The following XXYLT1 variants were observed in gnomAD, a reference collection of about 807,000 sequenced individuals.
XXYLT1 encodes the protein xyloside xylosyltransferase 1.
A neutral mutation model predicts 28.9 loss-of-function variants in XXYLT1; 20 were observed. The ratio of observed to expected loss-of-function variants is 0.69; its 90% CI spans 0.49 to 1.00. The LOEUF is 1.00. Among genes scored for constraint, XXYLT1 ranks in the 50% least tolerant of loss-of-function variants. The pLI is 0.00. For missense variants in XXYLT1, 542 were observed against 560.1 expected (o/e 0.97, Z 0.33); for synonymous variants, 257 against 253.8 (o/e 1.01, Z -0.12).
At position 195,133,498 on chromosome 3, in the gene XXYLT1, T is replaced by C. The variant is rs1719005859; in HGVS notation, c.785+22951A>G. ...AATGTGTCCCATAAGTGACAGCATC[T>C]ATTGAACTCTAAAAATGAATGTGTC... On this transcript the variant is annotated intron_variant, in intron 3 of 3. Transcript: ENST00000310380. The surrounding 1 kb of genome is among the most constrained non-coding windows in gnomAD (Gnocchi z 4.4). Among the ~76,000 whole-genome samples the C allele has an allele frequency of 6.6e-6, 1 of 152,188 alleles. No homozygotes were observed. The highest frequency in any genetic ancestry group is 6.5e-5 in the Admixed American group (1 of 15,284).
intron 1 of XXYLT1, among the ~76,000 whole-genome samples, chr3:195,229,416 G>A (rs1288953072): frequency 1.3e-5 from 2 of 152,038 alleles, no homozygotes; most frequent in Admixed American, 6.5e-5. Context: ...TTAGTTATTT[G>A]AAAATGTGTA....
intron 3 of XXYLT1, among the ~76,000 whole-genome samples, chr3:195,125,377 G>A (rs1057460326): frequency 6.6e-6 from 1 of 152,260 alleles, no homozygotes; most frequent in African/African-American, 2.4e-5. Flanking sequence ...CGGGGCTGGA[G>A]AATTGGGAGA....
intron 3 of XXYLT1, among the ~76,000 whole-genome samples, chr3:195,099,334 C>T (rs1194997924): frequency 6.6e-6 from 1 of 152,208 alleles, no homozygotes; most frequent in East Asian, 1.9e-4. Flanking sequence ...CATCACCACC[C>T]AGGCATCATG....
At chr3:195,090,812 C>T (rs1560089301) in intron 3 of XXYLT1, among the ~76,000 whole-genome samples, 1 of 150,720 alleles carries the variant, frequency 6.6e-6, no homozygotes, top group Non-Finnish European at 1.5e-5. Context: ...AGAGAAGAAT[C>T]AAATAGACGC....
At chr3:195,185,394 C>T (rs192049462) in intron 2 of XXYLT1, among the ~76,000 whole-genome samples, 105 of 151,932 alleles carry the variant, frequency 6.9e-4, no homozygotes, top group Non-Finnish European at 1.0e-3. Flanking sequence ...ACTGAAAGGA[C>T]ATTCTCCAGA....
intron 1 of XXYLT1, among the ~76,000 whole-genome samples, chr3:195,228,506 T>A: frequency 6.7e-6 from 1 of 148,788 alleles, no homozygotes. Flanking sequence ...TTTTTTTTTT[T>A]TTGAGATGGA....
chr3:195,156,305 G>A (rs1720585073), intron 3 of XXYLT1, 144 bp downstream of exon 3: 3 of 1,373,930 alleles, frequency 2.2e-6, no homozygotes, highest in Non-Finnish European at 2.9e-6. Flanking sequence ...TCAACTGTAA[G>A]CAATAAGTAC....
At chr3:195,162,374 G>A (rs537220079) in intron 2 of XXYLT1, among the ~76,000 whole-genome samples, 12 of 152,270 alleles carry the variant, frequency 7.9e-5, no homozygotes, top group East Asian at 3.9e-4. Flanking sequence ...GCCCCTCCTC[G>A]GATGGTCGGG....
chr3:195,206,021 A>ATTTTT (rs777561871), intron 2 of XXYLT1, among the ~76,000 whole-genome samples: 2 of 125,424 alleles, frequency 1.6e-5, no homozygotes, highest in Non-Finnish European at 3.3e-5. Flanking sequence ...TTAAAGTTTA[A>ATTTTT]TTTTTTTTTT....
At chr3:195,143,578 C>T (rs183697212) in intron 3 of XXYLT1, among the ~76,000 whole-genome samples, 1 of 151,980 alleles carries the variant, frequency 6.6e-6, no homozygotes, top group African/African-American at 2.4e-5. Context: ...TTTCAATCAA[C>T]TGCTTTCCTT....
At chr3:195,134,868 T>C (rs73890690) in intron 3 of XXYLT1, among the ~76,000 whole-genome samples, 13,841 of 100,050 alleles carry the variant, frequency 0.14, 740 homozygotes, top group East Asian at 0.35. Flanking sequence ...TGTGTGTGTG[T>C]GCGTGTGCGC....
At chr3:195,103,739 G>A (rs934314816) in intron 3 of XXYLT1, among the ~76,000 whole-genome samples, 4 of 151,260 alleles carry the variant, frequency 2.6e-5, no homozygotes, top group African/African-American at 9.7e-5. Flanking sequence ...AGAAACTAGG[G>A]AAAAAAAAAT....
rs113346029 is a variant in XXYLT1 at position 195,188,055 on chromosome 3, T to G, written c.653-31474A>C. Among the ~76,000 whole-genome samples the G allele has an allele frequency of 8.5e-3, 1,300 of 152,300 alleles. 17 individuals carry two copies. Among genetic ancestry groups the G allele is most frequent in the African/African-American group, 0.03 (1,241 of 41,542 alleles). On this transcript the variant is annotated intron_variant, in intron 2 of 3. Coordinates refer to ENST00000310380, the MANE Select transcript of XXYLT1 (RefSeq NM_152531.5). ...GCTTGCTTGGCTCTATATTTAGATGTGAGAGTAAACATCTGACTCTGGAGA... is the reference window on the plus strand; with the variant it reads ...GCTTGCTTGGCTCTATATTTAGATGGGAGAGTAAACATCTGACTCTGGAGA...
chr3:195,256,901 T>C lies in XXYLT1; in HGVS notation c.504+13654A>G, dbSNP rs575467536. ...GGGGCTCTAGGCAGACCAAGCAACC[T>C]TCCCAGGGCTCTCAGGTAAGGGAGA... On this transcript the variant is annotated intron_variant, in intron 1 of 3. Transcript: ENST00000310380. This position sits in a 1 kb window ranked among gnomAD's most constrained non-coding sequence, Gnocchi z 4.2. Among the ~76,000 whole-genome samples the C allele has an allele frequency of 1.5e-4, 23 of 152,250 alleles. No homozygotes were observed. The highest frequency in any genetic ancestry group is 9.8e-4 in the Admixed American group (15 of 15,304).
chr3:195,201,472 C>T (rs771343998), intron 2 of XXYLT1, among the ~76,000 whole-genome samples: 12 of 152,240 alleles, frequency 7.9e-5, no homozygotes, highest in Non-Finnish European at 1.5e-4. Flanking sequence ...AAGCAAGACT[C>T]AGACGCTCCT....
chr3:195,179,710 T>C (rs2108734307), intron 2 of XXYLT1, among the ~76,000 whole-genome samples: 1 of 149,108 alleles, frequency 6.7e-6, no homozygotes, highest in Middle Eastern at 3.5e-3. Flanking sequence ...CACCGAGAGG[T>C]AAGCAGTTTC....
chr3:195,233,128 A>G (rs925526687), intron 1 of XXYLT1, among the ~76,000 whole-genome samples: 3 of 142,478 alleles, frequency 2.1e-5, no homozygotes, highest in African/African-American at 3.0e-5. Context: ...TATACAACAA[A>G]CTTGTCTCTT....
intron 2 of XXYLT1, among the ~76,000 whole-genome samples, chr3:195,200,476 C>G (rs1278759826): frequency 6.6e-6 from 1 of 152,222 alleles, no homozygotes; most frequent in Admixed American, 6.5e-5. Context: ...TCTCTGGAAT[C>G]AAGCCTGGAA....
At chr3:195,193,924 T>C (rs1353986914) in intron 2 of XXYLT1, among the ~76,000 whole-genome samples, 2 of 152,120 alleles carry the variant, frequency 1.3e-5, no homozygotes, top group East Asian at 3.8e-4. Flanking sequence ...TAGATCTAAA[T>C]GTAATAGCTA....
Sources: gnomAD v4.1 joint callset for allele counts (sites outside exome capture counted in the v4.1 genomes callset) on GRCh38, gnomAD v4.1.1 for gene constraint, Gnocchi (gnomAD v3.1) non-coding constraint, MANE v1.5 for transcripts, NCBI Gene and HGNC (gene_info 2026-07-23, HGNC 2026-07-21) for gene names.